ASIC2: variants seen among roughly 807,000 people sequenced by gnomAD.
ASIC2 encodes the protein acid sensing ion channel subunit 2.
ASIC2 carries 25 observed loss-of-function variants against 57.3 expected under a neutral mutation model. The observed-to-expected ratio is 0.44, with a 90% CI of 0.32 to 0.61. The LOEUF is 0.61. Among genes scored for constraint, ASIC2 ranks in the 20% least tolerant of loss-of-function variants. The probability of loss-of-function intolerance (pLI) is 0.06; values close to 1 mark genes in which losing one functional copy is unlikely to be tolerated. For synonymous variants in ASIC2, 319 were observed against 307.5 expected (o/e 1.04, Z -0.39); for missense variants, 641 against 738.1 (o/e 0.87, Z 1.52).
At chr17:33,983,362 T>C (rs1905695034) in intron 1 of ASIC2, among the ~76,000 whole-genome samples, 1 of 152,160 alleles carries the variant, frequency 6.6e-6, no homozygotes, top group Non-Finnish European at 1.5e-5. Context: ...TCTTTAAAAA[T>C]ATAATAATAA....
intron 1 of ASIC2, among the ~76,000 whole-genome samples, chr17:33,124,554 G>T (rs2092316042): frequency 6.6e-6 from 1 of 152,190 alleles, no homozygotes; most frequent in African/African-American, 2.4e-5. Context: ...AAGCATATGA[G>T]TGCTACTGGT....
intron 3 of ASIC2, among the ~76,000 whole-genome samples, chr17:33,061,647 G>C (rs2092021077): frequency 6.6e-6 from 1 of 152,120 alleles, no homozygotes; most frequent in Non-Finnish European, 1.5e-5. Flanking sequence ...TCTCTGCCAG[G>C]CTTTGGTATC....
chr17:34,123,226 G>A (rs1911678845), intron 1 of ASIC2, among the ~76,000 whole-genome samples: 1 of 152,134 alleles, frequency 6.6e-6, no homozygotes, highest in African/African-American at 2.4e-5. Context: ...TGGAACTAGG[G>A]AGAGGATTCA....
intron 1 of ASIC2, among the ~76,000 whole-genome samples, chr17:33,978,132 T>C (rs530876284): frequency 1.8e-4 from 27 of 152,306 alleles, no homozygotes; most frequent in Admixed American, 7.8e-4. Context: ...GAAGGTTGAA[T>C]GTGCCTGTGC....
chr17:34,053,136 A>G (rs905258953), intron 1 of ASIC2, among the ~76,000 whole-genome samples: 6 of 152,086 alleles, frequency 3.9e-5, no homozygotes, highest in Admixed American at 3.3e-4. Flanking sequence ...AACCCCTAAG[A>G]AAAAAAACAA....
intron 1 of ASIC2, chr17:34,039,509 G>A (rs892438415): frequency 1.8e-4 from 296 of 1,613,724 alleles, no homozygotes; most frequent in Non-Finnish European, 2.4e-4. Flanking sequence ...TCTACTCGTC[G>A]CGGTAAGGGA....
intron 1 of ASIC2, among the ~76,000 whole-genome samples, chr17:33,760,483 GCT>G (rs1294120236): frequency 6.6e-6 from 1 of 151,608 alleles, no homozygotes; most frequent in African/African-American, 2.4e-5. Flanking sequence ...TATATATAAA[GCT>G]CTCTCTATAG....
At chr17:33,875,727 T>A (rs1914529569) in intron 1 of ASIC2, among the ~76,000 whole-genome samples, 1 of 152,138 alleles carries the variant, frequency 6.6e-6, no homozygotes, top group African/African-American at 2.4e-5. Context: ...GAATAAAAAC[T>A]CTTGGCTGTC....
chr17:33,948,300 C>G (rs1904448013), intron 1 of ASIC2, among the ~76,000 whole-genome samples: 1 of 152,232 alleles, frequency 6.6e-6, no homozygotes, highest in Non-Finnish European at 1.5e-5. Context: ...CACTCGGCAC[C>G]ACAGAGCTCC....
At chr17:33,401,986 C>T (rs540467403) in intron 1 of ASIC2, among the ~76,000 whole-genome samples, 2 of 152,314 alleles carry the variant, frequency 1.3e-5, no homozygotes, top group African/African-American at 4.8e-5. Context: ...TCTTCTTTGA[C>T]TCCAATTCCC....
At chr17:34,101,124 C>A (rs1910848561) in intron 1 of ASIC2, among the ~76,000 whole-genome samples, 1 of 152,170 alleles carries the variant, frequency 6.6e-6, no homozygotes, top group Admixed American at 6.5e-5. Flanking sequence ...ACCATCCTAG[C>A]ATTTCCTAAA....
intron 1 of ASIC2, among the ~76,000 whole-genome samples, chr17:33,992,025 G>A (rs985793130): frequency 5.9e-5 from 9 of 152,106 alleles, no homozygotes; most frequent in Non-Finnish European, 1.2e-4. Flanking sequence ...GGGAGGCAGG[G>A]TGCCAGGCTT....
At chr17:34,037,975 TG>T in intron 1 of ASIC2, 1 of 1,613,674 alleles carries the variant, frequency 6.2e-7, no homozygotes, top group Non-Finnish European at 8.5e-7. Context: ...AGATCTTTGG[TG>T]GTTCTTTCCC....
intron 1 of ASIC2, among the ~76,000 whole-genome samples, chr17:33,426,531 G>T (rs1052862941): frequency 2.6e-5 from 4 of 152,188 alleles, no homozygotes; most frequent in African/African-American, 9.7e-5. Flanking sequence ...CTCCACATGA[G>T]GGATTCCAGG....
At chr17:33,477,108 T>C (rs7207112) in intron 1 of ASIC2, among the ~76,000 whole-genome samples, 2,144 of 152,308 alleles carry the variant, frequency 0.014, 55 homozygotes, top group African/African-American at 0.049. Flanking sequence ...TTCCATTGTA[T>C]AGCTTTATCA....
At chr17:33,382,398 A>C (rs866153665) in intron 1 of ASIC2, among the ~76,000 whole-genome samples, 3 of 152,144 alleles carry the variant, frequency 2.0e-5, no homozygotes, top group Non-Finnish European at 4.4e-5. Context: ...AGGCCTCTCT[A>C]TCAGAAGGCT....
intron 1 of ASIC2, among the ~76,000 whole-genome samples, chr17:33,740,674 C>A (rs1910082980): frequency 6.6e-6 from 1 of 152,162 alleles, no homozygotes; most frequent in Admixed American, 6.5e-5. Context: ...TGGAAACAGA[C>A]CTTCTCCTCC....
intron 1 of ASIC2, among the ~76,000 whole-genome samples, chr17:33,757,109 G>T (rs1038081533): frequency 1.3e-5 from 2 of 152,170 alleles, no homozygotes; most frequent in African/African-American, 4.8e-5. Context: ...GAGGGAGAAC[G>T]CCCAGGGAGT....
At chr17:33,429,680 G>A (rs967818435) in intron 1 of ASIC2, among the ~76,000 whole-genome samples, 10 of 152,072 alleles carry the variant, frequency 6.6e-5, no homozygotes, top group African/African-American at 1.2e-4. Flanking sequence ...ATGAGCCACC[G>A]CCCCCAGCCC....
Sources: allele counts gnomAD v4.1 joint callset (sites outside exome capture counted in the v4.1 genomes callset), GRCh38; gene constraint gnomAD v4.1.1; transcripts MANE v1.5; gene names NCBI Gene and HGNC (gene_info 2026-07-23, HGNC 2026-07-21).